The following PTPRR variants were observed in gnomAD, a reference collection of about 807,000 sequenced individuals.
PTPRR encodes protein tyrosine phosphatase receptor type R.
In PTPRR, 38 loss-of-function variants were observed where a neutral mutation model predicts 77.2. That is an observed-to-expected ratio of 0.49 (90% CI 0.38 to 0.65). The LOEUF (loss-of-function observed/expected upper bound fraction) is 0.65. Among genes scored for constraint, PTPRR ranks in the 30% least tolerant of loss-of-function variants. The pLI, the probability that PTPRR is intolerant of heterozygous loss-of-function variation, is 0.00. For synonymous variants in PTPRR, 299 were observed against 283.1 expected (o/e 1.06, Z -0.57); for missense variants, 744 against 799.2 (o/e 0.93, Z 0.83).
At chr12:70,739,396 TAA>T (rs1245708391) in intron 6 of PTPRR, among the ~76,000 whole-genome samples, 3 of 152,214 alleles carry the variant, frequency 2.0e-5, no homozygotes, top group African/African-American at 7.2e-5. Flanking sequence ...ACTTATTTAA[TAA>T]GTGTCAGAGG....
intron 6 of PTPRR, among the ~76,000 whole-genome samples, chr12:70,706,074 G>A (rs758803582): frequency 6.6e-6 from 1 of 152,010 alleles, no homozygotes; most frequent in African/African-American, 2.4e-5. Flanking sequence ...AATAACAAAG[G>A]AGACAAAAGT....
chr12:70,892,610 C>T (rs1310245772), intron 2 of PTPRR, 69 bp downstream of exon 2: 1 of 1,546,670 alleles, frequency 6.5e-7, no homozygotes, highest in Non-Finnish European at 8.8e-7. Flanking sequence ...CAGTGTTTTT[C>T]TTTTTTCAAG....
chr12:70,655,962 A>G (rs1199566361), intron 13 of PTPRR, among the ~76,000 whole-genome samples: 2 of 152,212 alleles, frequency 1.3e-5, no homozygotes, highest in African/African-American at 4.8e-5. Flanking sequence ...CTGTAATCCC[A>G]GCACTTTGGG....
intron 10 of PTPRR, chr12:70,672,856 G>A: frequency 6.4e-7 from 1 of 1,559,210 alleles, no homozygotes; most frequent in Non-Finnish European, 8.7e-7. Flanking sequence ...CAGCAAGGTG[G>A]TGTGATGGCT....
chr12:70,768,673 TC>T (rs1390334933), intron 2 of PTPRR, among the ~76,000 whole-genome samples: 1 of 152,170 alleles, frequency 6.6e-6, no homozygotes, highest in Non-Finnish European at 1.5e-5. Flanking sequence ...GCCAGCATCA[TC>T]CTGATACCAA....
intron 6 of PTPRR, among the ~76,000 whole-genome samples, chr12:70,737,487 TATCTATC>T (rs1444642348): frequency 7.7e-4 from 17 of 22,052 alleles, no homozygotes; most frequent in African/African-American, 3.1e-3. Flanking sequence ...ATTTAATGAA[TATCTATC>T]TATCTATCTA....
At chr12:70,835,727 C>G (rs1330055713) in intron 2 of PTPRR, among the ~76,000 whole-genome samples, 2 of 152,078 alleles carry the variant, frequency 1.3e-5, no homozygotes, top group Admixed American at 6.6e-5. Context: ...AAAACCTTGA[C>G]TCTTGATTTT....
At chr12:70,807,865 T>C (rs1170554194) in intron 2 of PTPRR, among the ~76,000 whole-genome samples, 3 of 152,138 alleles carry the variant, frequency 2.0e-5, no homozygotes, top group African/African-American at 7.2e-5. Context: ...ACTGCACAAA[T>C]TGTTTAAACA....
At chr12:70,786,833 C>T (rs372254959) in intron 2 of PTPRR, among the ~76,000 whole-genome samples, 75 of 152,120 alleles carry the variant, frequency 4.9e-4, no homozygotes, top group African/African-American at 1.7e-3. Flanking sequence ...CAAATAAAAA[C>T]TCTATGATTT....
intron 10 of PTPRR, among the ~76,000 whole-genome samples, chr12:70,665,734 C>G (rs1297966519): frequency 6.6e-6 from 1 of 151,550 alleles, no homozygotes; most frequent in Non-Finnish European, 1.5e-5. Context: ...CCTTCTGGCC[C>G]CCACCAAGTT....
chr12:70,799,836 C>A (rs964021737), intron 2 of PTPRR, among the ~76,000 whole-genome samples: 4 of 152,176 alleles, frequency 2.6e-5, no homozygotes, highest in Admixed American at 6.5e-5. Context: ...GGTAGCAGGG[C>A]AGGTCATGGG....
chr12:70,671,381 G>A (rs1887216800), intron 10 of PTPRR, among the ~76,000 whole-genome samples: 1 of 152,012 alleles, frequency 6.6e-6, no homozygotes, highest in African/African-American at 2.4e-5. Flanking sequence ...GGGAAAAAAA[G>A]CACAAAGCAG....
At chr12:70,821,029 C>A (rs1050821924) in intron 2 of PTPRR, among the ~76,000 whole-genome samples, 2 of 151,922 alleles carry the variant, frequency 1.3e-5, no homozygotes, top group South Asian at 2.1e-4. Context: ...TAACAAGGGT[C>A]AAAATAAATT....
At chr12:70,721,324 T>C (rs1889244146) in intron 6 of PTPRR, among the ~76,000 whole-genome samples, 1 of 152,196 alleles carries the variant, frequency 6.6e-6, no homozygotes, top group African/African-American at 2.4e-5. Context: ...AGGTAATTTA[T>C]CTATCCTGGC....
intron 2 of PTPRR, among the ~76,000 whole-genome samples, chr12:70,854,652 G>A (rs1892623482): frequency 6.6e-6 from 1 of 152,190 alleles, no homozygotes; most frequent in South Asian, 2.1e-4. Context: ...TTGCATCCAG[G>A]CACCAGAGGG....
intron 10 of PTPRR, among the ~76,000 whole-genome samples, chr12:70,668,771 A>G (rs10784864): frequency 0.18 from 27,491 of 152,126 alleles, 3,395 homozygotes; most frequent in African/African-American, 0.35. Context: ...TACTCCATTA[A>G]TGTATACTTA....
At chr12:70,804,033 T>C (rs1404445727) in intron 2 of PTPRR, among the ~76,000 whole-genome samples, 1 of 152,006 alleles carries the variant, frequency 6.6e-6, no homozygotes, top group Non-Finnish European at 1.5e-5. Context: ...TTTGGAGGTT[T>C]AGAAATGGAA....
chr12:70,800,708 A>C (rs1290998344), intron 2 of PTPRR, among the ~76,000 whole-genome samples: 1 of 152,074 alleles, frequency 6.6e-6, no homozygotes, highest in South Asian at 2.1e-4. Flanking sequence ...CAGTCTGGCC[A>C]ACATGGTGAA....
chr12:70,818,507 A>G (rs1022335633), intron 2 of PTPRR, among the ~76,000 whole-genome samples: 1 of 152,150 alleles, frequency 6.6e-6, no homozygotes, highest in African/African-American at 2.4e-5. Context: ...TTATTTGAAA[A>G]TTATTTGAGA....
Sources: gnomAD v4.1 joint callset for allele counts (sites outside exome capture counted in the v4.1 genomes callset) on GRCh38, gnomAD v4.1.1 for gene constraint, MANE v1.5 for transcripts, NCBI Gene and HGNC (gene_info 2026-07-23, HGNC 2026-07-21) for gene names.